Variants in PPP1R42 observed in about 807,000 individuals in gnomAD.
PPP1R42 encodes leucine rich repeat containing 67.
Under a neutral mutation model 31.0 loss-of-function variants are expected in PPP1R42, and 34 were observed. The observed-to-expected ratio is 1.10, with a 90% CI of 0.83 to 1.46. PPP1R42 has a LOEUF of 1.46. PPP1R42 is among the 40% of genes most tolerant of loss of function. PPP1R42 has a pLI of 0.00. For synonymous variants in PPP1R42, 103 were observed against 109.8 expected (o/e 0.94, Z 0.39); for missense variants, 268 against 303.0 (o/e 0.88, Z 0.86).
intron 2 of PPP1R42, 29 bp downstream of exon 2, chr8:67,017,590 A>G: frequency 8.1e-7 from 1 of 1,234,720 alleles, no homozygotes; most frequent in Non-Finnish European, 1.1e-6. Flanking sequence ...TTAATTATAT[A>G]AAATAGGAAA....
At chr8:66,967,154 T>C (rs1041298079) in intron 7 of PPP1R42, among the ~76,000 whole-genome samples, 2 of 152,120 alleles carry the variant, frequency 1.3e-5, no homozygotes, top group Non-Finnish European at 2.9e-5. Context: ...TTTTTTCTTA[T>C]GGAGATGAGG....
At position 66,997,849 on chromosome 8, in the gene PPP1R42, T is replaced by G. The variant is rs191786308; in HGVS notation, c.553-9332A>C. Among the ~76,000 whole-genome samples the G allele has an allele frequency of 4.2e-3, 646 of 152,262 alleles. 9 individuals are homozygous for G. The highest frequency in any genetic ancestry group is 0.015 in the African/African-American group (612 of 41,542). The stretch of plus-strand genomic sequence containing the variant: ...TTATAAGCATGAGTTACCATGCCTG[T>G]GATGGTTTTACCAATTGGTTCTTTT... On this transcript the variant is annotated intron_variant, in intron 5 of 7. Coordinates refer to ENST00000685739, the MANE Select transcript of PPP1R42 (RefSeq NM_001364910.1).
intron 6 of PPP1R42, chr8:66,985,431 A>G: frequency 1.3e-6 from 1 of 787,168 alleles, no homozygotes; most frequent in Non-Finnish European, 2.2e-6. Context: ...TGCCTGTTGC[A>G]TCTACAATGC....
intron 6 of PPP1R42, chr8:66,985,508 C>G: frequency 8.5e-7 from 1 of 1,178,000 alleles, no homozygotes; most frequent in Non-Finnish European, 1.3e-6. Context: ...TTTGGGGAAG[C>G]AATGCCCATG....
intron 6 of PPP1R42, among the ~76,000 whole-genome samples, chr8:66,983,033 C>A (rs897883073): frequency 1.6e-4 from 25 of 151,912 alleles, no homozygotes; most frequent in African/African-American, 5.3e-4. Context: ...TCCTCGGCTT[C>A]CCAAAGCCCT....
intron 1 of PPP1R42, 135 bp from the exon 2 acceptor site, chr8:67,017,966 G>T: frequency 2.6e-6 from 1 of 380,798 alleles, no homozygotes; most frequent in Non-Finnish European, 4.5e-6. Context: ...TAGGGGCACT[G>T]AGGTATTTTC....
intron 7 of PPP1R42, among the ~76,000 whole-genome samples, chr8:66,965,749 G>A (rs1201628417): frequency 2.0e-5 from 3 of 151,928 alleles, no homozygotes; most frequent in Non-Finnish European, 2.9e-5. Context: ...AGTGAGACCC[G>A]GTCTGTACAA....
chr8:66,993,917 A>G (rs1330511589), intron 5 of PPP1R42, among the ~76,000 whole-genome samples: 1 of 152,210 alleles, frequency 6.6e-6, no homozygotes, highest in Non-Finnish European at 1.5e-5. Context: ...TATAGGGAGA[A>G]ATAAGATGGA....
chr8:67,013,028 T>C lies in PPP1R42; in HGVS notation c.365A>G (p.His122Arg). ...AAGGGGAAGCCTCTGATTCTCAACA[T>C]GAAGCTCTCTTAGTTCTCCTAATCC... is the stretch of plus-strand genomic sequence containing the variant. Reference protein sequence around the residue: ...LEGLGELRELHVENQRLPLGE... With the variant: ...LEGLGELRELRVENQRLPLGE... The change falls in exon 4 of 8, where the codon CAT (histidine) becomes CGT (arginine). Residue 122 changes from histidine (H) to arginine (R), a missense_variant. Coordinates refer to ENST00000685739, the MANE Select transcript of PPP1R42 (RefSeq NM_001364910.1). 6.2e-7 allele frequency: 1 copy of C among 1,612,444 alleles called. No individual in the cohort carries two copies.
chr8:66,990,615 A>C (rs1815161815), intron 5 of PPP1R42, among the ~76,000 whole-genome samples: 1 of 152,242 alleles, frequency 6.6e-6, no homozygotes, highest in African/African-American at 2.4e-5. Flanking sequence ...TTTCCCCTGC[A>C]GGGCTGATGC....
At chr8:66,973,254 CTATT>C (rs1001017947) in intron 7 of PPP1R42, among the ~76,000 whole-genome samples, 14 of 151,628 alleles carry the variant, frequency 9.2e-5, no homozygotes, top group Non-Finnish European at 7.4e-5. Flanking sequence ...TGTAGCAAAA[CTATT>C]TAACATGAGA....
intron 5 of PPP1R42, among the ~76,000 whole-genome samples, chr8:66,990,480 CTTTCCTGCTCTTCAA>C (rs1815159289): frequency 6.6e-6 from 1 of 152,198 alleles, no homozygotes; most frequent in Non-Finnish European, 1.5e-5. Flanking sequence ...AAAGCTTTCA[CTTTCCTGCTCTTCAA>C]TAAGTTACTA....
chr8:66,970,792 T>C (rs935056254), intron 7 of PPP1R42: 4 of 600,878 alleles, frequency 6.7e-6, no homozygotes. Flanking sequence ...CTTCCCATCG[T>C]AACTTTCTGA....
chr8:67,027,480 A>AG (rs1318360799), intron 1 of PPP1R42, among the ~76,000 whole-genome samples: 1 of 152,232 alleles, frequency 6.6e-6, no homozygotes, highest in Non-Finnish European at 1.5e-5. Flanking sequence ...AATATGGAAA[A>AG]GGAGAGAACT....
intron 5 of PPP1R42, among the ~76,000 whole-genome samples, chr8:67,002,183 C>T (rs1185869594): frequency 6.6e-6 from 1 of 152,130 alleles, no homozygotes; most frequent in African/African-American, 2.4e-5. Context: ...ATCTTTTCTT[C>T]TGGTAGCTTT....
intron 7 of PPP1R42, among the ~76,000 whole-genome samples, chr8:66,966,584 G>T (rs1585953374): frequency 6.6e-6 from 1 of 152,252 alleles, no homozygotes; most frequent in East Asian, 1.9e-4. Context: ...AGGAGATCAA[G>T]ACCATCCTGG....
At chr8:66,971,592 A>G (rs1361908157) in intron 7 of PPP1R42, among the ~76,000 whole-genome samples, 1 of 152,112 alleles carries the variant, frequency 6.6e-6, no homozygotes, top group Non-Finnish European at 1.5e-5. Flanking sequence ...ATTCACCTCT[A>G]ATCCACAGTG....
chr8:67,014,719 C>A (rs1585680491), intron 2 of PPP1R42, 127 bp from the exon 3 acceptor site: 1 of 579,728 alleles, frequency 1.7e-6, no homozygotes, highest in Non-Finnish European at 2.9e-6. Context: ...AACAGTATTT[C>A]TCTGTTCTTG....
intron 6 of PPP1R42, chr8:66,984,698 A>T: frequency 6.3e-7 from 1 of 1,587,234 alleles, no homozygotes; most frequent in South Asian, 1.1e-5. Context: ...TCTTCATGCA[A>T]TTTCTGTCTT....
Sources: gnomAD v4.1 joint callset for allele counts (sites outside exome capture counted in the v4.1 genomes callset) on GRCh38, gnomAD v4.1.1 for gene constraint, MANE v1.5 for transcripts, NCBI Gene and HGNC (gene_info 2026-07-23, HGNC 2026-07-21) for gene names.